Variants in SPTLC3 observed in about 807,000 individuals in gnomAD.
SPTLC3 encodes the protein serine palmitoyltransferase long chain base subunit 3, also known as serine palmitoyltransferase 3.
In SPTLC3, 36 loss-of-function variants were observed where a neutral mutation model predicts 59.3. The ratio of observed to expected loss-of-function variants is 0.61; its 90% CI spans 0.47 to 0.80. The LOEUF (loss-of-function observed/expected upper bound fraction) is 0.80, where lower values mean the gene tolerates loss of function less well. Ranked by LOEUF, SPTLC3 falls within the 30% of genes least tolerant of loss-of-function variation. The pLI, the probability that SPTLC3 is intolerant of heterozygous loss-of-function variation, is 0.00. For missense variants in SPTLC3, 625 were observed against 685.1 expected (o/e 0.91, Z 0.98); for synonymous variants, 257 against 240.8 (o/e 1.07, Z -0.62).
chr20:13,026,863 G>A (rs778761789), intron 1 of SPTLC3, among the ~76,000 whole-genome samples: 15 of 152,108 alleles, frequency 9.9e-5, no homozygotes, highest in Admixed American at 1.3e-4. Context: ...ACTGGAGCCC[G>A]TTCTTCCCTA....
chr20:13,110,961 A>G (rs1168874505), intron 7 of SPTLC3, among the ~76,000 whole-genome samples: 2 of 152,130 alleles, frequency 1.3e-5, no homozygotes, highest in African/African-American at 4.8e-5. Context: ...GAGGATAGAC[A>G]TAGGATTTCT....
chr20:13,156,148 G>C (rs1302167729), intron 10 of SPTLC3, among the ~76,000 whole-genome samples: 2 of 152,056 alleles, frequency 1.3e-5, no homozygotes, highest in Non-Finnish European at 2.9e-5. Flanking sequence ...TCCAAACTTG[G>C]CTCAGGTTTA....
At chr20:13,113,272 A>G (rs1258297817) in intron 7 of SPTLC3, among the ~76,000 whole-genome samples, 2 of 152,206 alleles carry the variant, frequency 1.3e-5, no homozygotes, top group African/African-American at 2.4e-5. Context: ...ATGCACTCCT[A>G]CTTTTCGGAG....
intron 7 of SPTLC3, among the ~76,000 whole-genome samples, chr20:13,112,925 G>A (rs564412269): frequency 6.6e-6 from 1 of 152,314 alleles, no homozygotes; most frequent in East Asian, 1.9e-4. Context: ...GCTCATGCCT[G>A]TAATCCTATC....
intron 6 of SPTLC3, among the ~76,000 whole-genome samples, chr20:13,093,950 A>T (rs1989321507): frequency 6.6e-6 from 1 of 152,142 alleles, no homozygotes; most frequent in Admixed American, 6.5e-5. Flanking sequence ...AAGGTCAGGT[A>T]AAAAATTAGC....
At chr20:13,061,850 A>G (rs1987989675) in intron 2 of SPTLC3, among the ~76,000 whole-genome samples, 1 of 152,156 alleles carries the variant, frequency 6.6e-6, no homozygotes, top group South Asian at 2.1e-4. Context: ...CTAACAAGCA[A>G]TGTGATGTTT....
At chr20:13,146,831 G>A (rs747093863) in intron 9 of SPTLC3, among the ~76,000 whole-genome samples, 4 of 152,138 alleles carry the variant, frequency 2.6e-5, no homozygotes, top group Non-Finnish European at 5.9e-5. Flanking sequence ...CTCATCATGA[G>A]CGAGTTTACC....
Position 13,117,510 on chromosome 20 carries a change from G to C in SPTLC3, c.937G>C (p.Glu313Gln), listed in dbSNP as rs758614244. 6.3e-7 allele frequency: 1 copy of C among 1,586,572 alleles called. No homozygotes were observed. Among genetic ancestry groups the C allele is most frequent in the Admixed American group, 1.8e-5 (1 of 54,956 alleles). ...LILVEGVYSM[E>Q]GSIVHLPQII... ...GCATTTCTCCTTCTGCCCTAGCATG[G>C]AAGGTTCCATCGTGCATCTGCCCCA... The change falls in exon 8 of 12, where the codon GAA becomes CAA. Residue 313 changes from glutamate (E) to glutamine (Q), a missense_variant. By Grantham distance (29) the Glu-to-Gln change is conservative. Transcript: ENST00000399002.
chr20:13,153,624 G>T (rs1432124123), intron 9 of SPTLC3, among the ~76,000 whole-genome samples: 1 of 152,102 alleles, frequency 6.6e-6, no homozygotes, highest in Non-Finnish European at 1.5e-5. Flanking sequence ...ATGAAGTGTG[G>T]GGGGTGGGGG....
rs144059277 is a variant in SPTLC3 at position 13,101,074 on chromosome 20, C to T, written c.826+7497C>T. ...GTGACCAGAGTGGACAACAGGACCT[C>T]GATTCTACTAGGAAACTCTGGGTGC... is the stretch of plus-strand genomic sequence containing the variant. On this transcript the variant is annotated intron_variant, in intron 6 of 11. Coordinates refer to ENST00000399002, the MANE Select transcript of SPTLC3 (RefSeq NM_018327.4). 3.4e-3 allele frequency among the ~76,000 whole-genome samples: 518 copies of T among 152,248 alleles called. 14 individuals are homozygous for T. The highest frequency in any genetic ancestry group is 0.026 in the Admixed American group (397 of 15,302).
chr20:13,084,642 A>G (rs1265584539), intron 4 of SPTLC3, among the ~76,000 whole-genome samples: 1 of 152,204 alleles, frequency 6.6e-6, no homozygotes, highest in Non-Finnish European at 1.5e-5. Flanking sequence ...AGGTTGGCAC[A>G]TTGTTAAGCA....
chr20:13,080,821 A>G (rs946137022), intron 4 of SPTLC3, among the ~76,000 whole-genome samples: 3 of 152,222 alleles, frequency 2.0e-5, no homozygotes, highest in Non-Finnish European at 4.4e-5. Flanking sequence ...TGAATAAAGT[A>G]TTTAAATATG....
intron 9 of SPTLC3, among the ~76,000 whole-genome samples, chr20:13,137,043 G>A (rs2038262900): frequency 6.6e-6 from 1 of 152,122 alleles, no homozygotes; most frequent in Non-Finnish European, 1.5e-5. Flanking sequence ...AGAGAAGGAT[G>A]GGGAAATTGA....
Position 13,009,341 on chromosome 20 carries a change from A to C in SPTLC3, c.74A>C (p.Gln25Pro). 6.2e-7 allele frequency: 1 copy of C among 1,614,136 alleles called. No individual in the cohort carries two copies. Among genetic ancestry groups the C allele is most frequent in the Non-Finnish European group, 8.5e-7 (1 of 1,179,982 alleles). ...HNHKKQSNGS[Q>P]SRNCTKNGIV... Reference sequence around the variant, plus strand: ...CACAAGAAACAGAGCAATGGCTCACAAAGCAGAAACTGCACAAAGAATGGA... The same window carrying C: ...CACAAGAAACAGAGCAATGGCTCACCAAGCAGAAACTGCACAAAGAATGGA... Residue 25 changes from glutamine to proline, a missense_variant, in exon 1 of 12, where the codon CAA becomes CCA. By Grantham distance (76) the Gln-to-Pro change is moderately conservative. Coordinates refer to ENST00000399002, the MANE Select transcript of SPTLC3 (RefSeq NM_018327.4).
intron 1 of SPTLC3, among the ~76,000 whole-genome samples, chr20:13,025,240 A>G (rs1175953796): frequency 6.6e-6 from 1 of 152,180 alleles, no homozygotes; most frequent in Admixed American, 6.5e-5. Flanking sequence ...CAAATTTCAC[A>G]TATAATGAAC....
intron 5 of SPTLC3, 146 bp downstream of exon 5, chr20:13,091,353 T>C: frequency 1.0e-6 from 1 of 979,628 alleles, no homozygotes; most frequent in Non-Finnish European, 1.4e-6. Context: ...GGCGGGCGGA[T>C]CACGAGGTCA....
intron 1 of SPTLC3, among the ~76,000 whole-genome samples, chr20:13,027,641 GCACACACAC>G (rs1986218594): frequency 6.9e-6 from 1 of 144,140 alleles, no homozygotes; most frequent in Non-Finnish European, 1.5e-5. Flanking sequence ...ATTTCAGCAC[GCACACACAC>G]ACACACACAC....
chr20:13,151,359 G>C (rs1235131812), intron 9 of SPTLC3, among the ~76,000 whole-genome samples: 1 of 152,144 alleles, frequency 6.6e-6, no homozygotes, highest in African/African-American at 2.4e-5. Flanking sequence ...TGGCTTCCTT[G>C]CTAACACCCA....
chr20:13,148,250 A>C (rs959577457), intron 9 of SPTLC3, among the ~76,000 whole-genome samples: 2 of 152,096 alleles, frequency 1.3e-5, no homozygotes, highest in African/African-American at 4.8e-5. Flanking sequence ...TCTTCCCCTG[A>C]CCCAGCTGGT....
Sources: allele counts gnomAD v4.1 joint callset (sites outside exome capture counted in the v4.1 genomes callset), GRCh38; gene constraint gnomAD v4.1.1; transcripts MANE v1.5; gene names NCBI Gene and HGNC (gene_info 2026-07-23, HGNC 2026-07-21).